Variants in TM7SF2 observed in about 807,000 individuals in gnomAD.
The protein encoded by TM7SF2 is transmembrane 7 superfamily member 2.
A neutral mutation model predicts 51.0 loss-of-function variants in TM7SF2; 51 were observed. The ratio of observed to expected loss-of-function variants is 1.00; its 90% confidence interval spans 0.80 to 1.26. TM7SF2 has a LOEUF of 1.26. Ranked by LOEUF, TM7SF2 falls within the 50% of genes most tolerant of loss-of-function variation. The probability of loss-of-function intolerance (pLI) is 0.00; values close to 1 mark genes in which losing one functional copy is unlikely to be tolerated. For missense variants in TM7SF2, 541 were observed against 547.4 expected, an observed-to-expected ratio of 0.99 and a Z score of 0.12; for synonymous variants, 255 against 241.0, an observed-to-expected ratio of 1.06 and a Z score of -0.54.
At chr11:65,113,927 C>T (rs542251139) in intron 5 of TM7SF2, 274 of 369,088 alleles carry the variant, frequency 7.4e-4, no homozygotes, top group African/African-American at 2.0e-3. Context: ...AGGGAGTGAC[C>T]GCATGCTGCT....
chr11:65,113,000 C>CTCCCTA, intron 3 of TM7SF2, 135 bp downstream of exon 3: 1 of 1,175,888 alleles, frequency 8.5e-7, no homozygotes, highest in East Asian at 2.6e-5. Flanking sequence ...GGACAGACGC[C>CTCCCTA]GGGGGCTCTC....
At position 65,116,115 on chromosome 11, in the gene TM7SF2, A is replaced by G; in HGVS notation, c.*62A>G. The G allele has an allele frequency of 6.4e-7, 1 of 1,559,408 alleles. No individual in the cohort carries two copies. Among genetic ancestry groups the G allele is most frequent in the Non-Finnish European group, 8.7e-7 (1 of 1,155,216 alleles). ...CTCATCCACCAGCACACCCAGGACC[A>G]GGAGCCTCGACACACTTGGGACTCA... On this transcript the variant is annotated 3_prime_UTR_variant, in exon 10 of 10. Coordinates refer to ENST00000279263, the MANE Select transcript of TM7SF2 (RefSeq NM_003273.6).
Position 65,112,509 on chromosome 11 carries a change from C to T in TM7SF2, c.53-6C>T. On this transcript the variant is annotated splice_region_variant and splice_polypyrimidine_tract_variant and intron_variant, in intron 1 of 9. Coordinates refer to ENST00000279263, the MANE Select transcript of TM7SF2 (RefSeq NM_003273.6). ...CGGACGCCCGACGTGATGGCCCTTC[C>T]CGCAGGCGCCGCGGCTCTGCTACTG... 2.0e-6 allele frequency: 3 copies of T among 1,509,678 alleles called. No homozygotes were observed. Among genetic ancestry groups the T allele is most frequent in the Non-Finnish European group, 2.6e-6 (3 of 1,137,630 alleles). The allele number at this position is 1,509,678 out of a possible 1,614,324, so 93.5% of individuals were successfully genotyped here. A position where few individuals can be genotyped will look rare whatever the true frequency, so the allele number is the denominator to read the frequency against.
Position 65,111,944 on chromosome 11 carries a change from G to A in TM7SF2, c.-72G>A. The A allele has an allele frequency of 6.7e-7, 1 of 1,500,340 alleles. No homozygotes were observed. The highest frequency in any genetic ancestry group is 2.0e-5 in the Admixed American group (1 of 50,884). The allele number at this position is 1,500,340 out of a possible 1,614,324, so 92.9% of individuals were successfully genotyped here. On this transcript the variant is annotated 5_prime_UTR_variant, in exon 1 of 10. Coordinates refer to ENST00000279263, the MANE Select transcript of TM7SF2 (RefSeq NM_003273.6). ...CTCCGCGCGGCCGAGTCCATCTCCT[G>A]GGAAATGGGGCGGACAGTGTTTCCT...
intron 3 of TM7SF2, 22 bp downstream of exon 3, chr11:65,112,887 G>A (rs1947928081): frequency 1.3e-6 from 2 of 1,550,172 alleles, no homozygotes; most frequent in South Asian, 2.4e-5. Context: ...ACGGGCCCTC[G>A]CGCTGGAGTT....
rs368193705 is a variant in TM7SF2, at chr11:65,113,536, G to A, written c.545G>A (p.Arg182His). The A allele has an allele frequency of 1.1e-5, 17 of 1,614,050 alleles. No individual in the cohort carries two copies. The highest frequency in any genetic ancestry group is 2.7e-5 in the African/African-American group (2 of 75,010). The change falls in exon 5 of 10, where the codon CGT (arginine) becomes CAT (histidine). Residue 182 changes from arginine (R) to histidine (H), a missense_variant. By Grantham distance (29) the Arg-to-His change is conservative. Coordinates refer to ENST00000279263, the MANE Select transcript of TM7SF2 (RefSeq NM_003273.6). ...DFFLGRELNPRICFFDFKYFC... is the reference protein window; with the variant it reads ...DFFLGRELNPHICFFDFKYFC... ...TTTCTGGGACGAGAGCTCAACCCTC[G>A]TATCTGTTTCTTCGACTTCAAATAT...
rs935159286 is a variant in TM7SF2 at position 65,116,214 on chromosome 11, G to A, written c.*161G>A. 3 of 1,216,624 alleles carry A rather than the reference G, an allele frequency of 2.5e-6. No individual in the cohort carries two copies. Among genetic ancestry groups the A allele is most frequent in the Non-Finnish European group, 3.3e-6 (3 of 896,268 alleles). The allele number at this position is 1,216,624 out of a possible 1,614,324, so 75.4% of individuals were successfully genotyped here. A position where few individuals can be genotyped will look rare whatever the true frequency, so the allele number is the denominator to read the frequency against. On this transcript the variant is annotated 3_prime_UTR_variant, in exon 10 of 10. Coordinates refer to ENST00000279263, the MANE Select transcript of TM7SF2 (RefSeq NM_003273.6). Reference sequence around the variant, plus strand: ...GGTGGTTTAGAGCAAGGAAAAAAATGAAACCAGTGACCAAAATCGGAGATG... The same window carrying A: ...GGTGGTTTAGAGCAAGGAAAAAAATAAAACCAGTGACCAAAATCGGAGATG...
At position 65,114,749 on chromosome 11, in the gene TM7SF2, G is replaced by A. The variant is rs1239886182; in HGVS notation, c.640G>A (p.Glu214Lys). 1 of 1,614,144 alleles carries A rather than the reference G, an allele frequency of 6.2e-7. No homozygotes were observed. Among genetic ancestry groups the A allele is most frequent in the African/African-American group, 1.3e-5 (1 of 74,962 alleles). ...INLALLMKEA[E>K]LRGSPSLAMW... ...CCTGGCCCTGTTGATGAAGGAGGCA[G>A]AGCTTCGAGGCAGTCCCTCACTGGC... The change falls in exon 6 of 10, where the codon GAG becomes AAG. Residue 214 changes from glutamate to lysine, a missense_variant. By Grantham distance (56) the Glu-to-Lys change is moderately conservative. Transcript: ENST00000279263.
At position 65,113,355 on chromosome 11, in the gene TM7SF2, T is replaced by A; in HGVS notation, c.440T>A (p.Phe147Tyr). The A allele has an allele frequency of 1.9e-6, 3 of 1,614,076 alleles. No individual in the cohort carries two copies. Among genetic ancestry groups the A allele is most frequent in the Non-Finnish European group, 1.7e-6 (2 of 1,179,998 alleles). Residue 147 changes from phenylalanine to tyrosine, a missense_variant, in exon 4 of 10, where the codon TTT (phenylalanine) becomes TAT (tyrosine). Coordinates refer to ENST00000279263, the MANE Select transcript of TM7SF2 (RefSeq NM_003273.6). Reference protein sequence around the residue: ...ATLTAFIFSLFLYMKAQVAPV... With the variant: ...ATLTAFIFSLYLYMKAQVAPV... ...CTCACCGCTTTCATCTTCAGCCTCT[T>A]TCTCTACATGAAGGCGCAGGTAGCC... is the stretch of plus-strand genomic sequence containing the variant.
At chr11:65,113,652 C>T in intron 5 of TM7SF2, 58 bp downstream of exon 5, 1 of 1,506,304 alleles carries the variant, frequency 6.6e-7, no homozygotes, top group Admixed American at 1.7e-5. Flanking sequence ...GGTGGGTGAG[C>T]AGCGCTTGGG....
rs1161446496 is a variant in TM7SF2 at position 65,112,879 on chromosome 11, G to A, written c.304+14G>A. On this transcript the variant is annotated intron_variant, in intron 3 of 9. Transcript: ENST00000279263. ...ATCCTATTAACGGTGCCTAGGGGACGGGCCCTCGCGCTGGAGTTAAGCGGC... is the reference window on the plus strand; with the variant it reads ...ATCCTATTAACGGTGCCTAGGGGACAGGCCCTCGCGCTGGAGTTAAGCGGC... 8 of 1,550,348 alleles carry A rather than the reference G, an allele frequency of 5.2e-6. No individual in the cohort carries two copies. The highest frequency in any genetic ancestry group is 2.7e-5 in the African/African-American group (2 of 73,062).
In TM7SF2 at chr11:65,114,849, C is replaced by A. The variant is rs368969753; in HGVS notation, c.723+17C>A. The A allele has an allele frequency of 1.5e-4, 250 of 1,614,154 alleles. No individual in the cohort carries two copies. The highest frequency in any genetic ancestry group is 2.0e-4 in the Non-Finnish European group (232 of 1,179,994). On this transcript the variant is annotated intron_variant, in intron 6 of 9. Transcript: ENST00000279263. The stretch of plus-strand genomic sequence containing the variant: ...TGGCACGAGGTGAGGCTGGACTGGA[C>A]GAGGGTGGGTGTCTGAGGGCCGCAT...
Position 65,113,255 on chromosome 11 carries a change from G to T in TM7SF2, c.340G>T (p.Gly114Trp). ...CCTGGTGCTGACAGCCCTGTTGGTG[G>T]GGCTGGGGATGTCAGCGGGGCTGCC... is the stretch of plus-strand genomic sequence containing the variant. The part of the protein sequence containing the change: ...QALVLTALLV[G>W]LGMSAGLPLG... The change falls in exon 4 of 10, where the codon GGG becomes TGG. Residue 114 changes from glycine (G) to tryptophan (W), a missense_variant. Gly to Trp is a radical substitution (Grantham distance 184). Coordinates refer to ENST00000279263, the MANE Select transcript of TM7SF2 (RefSeq NM_003273.6). The T allele has an allele frequency of 6.2e-7, 1 of 1,606,212 alleles. No homozygotes were observed. The highest frequency in any genetic ancestry group is 8.5e-7 in the Non-Finnish European group (1 of 1,179,852).
chr11:65,115,641 A>G, intron 9 of TM7SF2, 43 bp downstream of exon 9: 1 of 1,611,752 alleles, frequency 6.2e-7, no homozygotes, highest in Non-Finnish European at 8.5e-7. Flanking sequence ...TGTGAGGGGA[A>G]GAGGTGGCTC....
chr11:65,112,590 G>C lies in TM7SF2; in HGVS notation c.128G>C (p.Arg43Pro). 1 of 1,518,372 alleles carries C rather than the reference G, an allele frequency of 6.6e-7. No individual in the cohort carries two copies. The highest frequency in any genetic ancestry group is 8.8e-7 in the Non-Finnish European group (1 of 1,140,572). The allele number at this position is 1,518,372 out of a possible 1,614,324, so 94.1% of individuals were successfully genotyped here. A position where few individuals can be genotyped will look rare whatever the true frequency, so the allele number is the denominator to read the frequency against. ...CTGGCGGCCCGTTCGGGCCCCGCGC[G>C]CCTGCTGGGTCCACCCGCGTCCCTG... The part of the protein sequence containing the change: ...LLLAARSGPA[R>P]LLGPPASLPG... The change falls in exon 2 of 10, where the codon CGC (arginine) becomes CCC (proline). Residue 43 changes from arginine to proline, a missense_variant. Transcript: ENST00000279263.
In TM7SF2 at chr11:65,114,832, G is replaced by A. The variant is rs766464859; in HGVS notation, c.723G>A (p.Glu241=). Residue 241 remains glutamate (E), a splice_region_variant and synonymous_variant, in exon 6 of 10, where the codon GAG becomes GAA. Transcript: ENST00000279263. ...ACGTGGGTGATGCCCTCTGGCACGA[G>A]GTGAGGCTGGACTGGACGAGGGTGG... The part of the protein sequence containing the change: ...LLYVGDALWH[E]EAVLTTMDIT... The A allele has an allele frequency of 6.2e-6, 10 of 1,614,270 alleles. No individual in the cohort carries two copies. The East Asian group carries it at 1.3e-4, about 22-fold the overall frequency.
Position 65,115,035 on chromosome 11 carries a change from G to A in TM7SF2, c.846G>A (p.Pro282=), listed in dbSNP as rs769902078. 1.1e-5 allele frequency: 18 copies of A among 1,613,896 alleles called. No homozygotes were observed. The highest frequency in any genetic ancestry group is 5.3e-5 in the African/African-American group (4 of 74,928). The change falls in exon 7 of 10, where the codon CCG becomes CCA. Residue 282 remains proline, a synonymous_variant. Transcript: ENST00000279263. The part of the protein sequence containing the change: ...SLQAQFLLHH[P]QPLGLPMASV... ...AGGCCCAGTTCCTGCTGCACCACCCGCAGCCCCTGGGGTTGCCCATGGCCT... is the reference window on the plus strand; with the variant it reads ...AGGCCCAGTTCCTGCTGCACCACCCACAGCCCCTGGGGTTGCCCATGGCCT...
chr11:65,112,480 G>A, intron 1 of TM7SF2, 35 bp from the exon 2 acceptor site: 5 of 1,495,360 alleles, frequency 3.3e-6, no homozygotes, highest in Non-Finnish European at 4.4e-6. Flanking sequence ...TGGGGGGCTA[G>A]GGGCGGACGC....
chr11:65,115,759 G>T, intron 9 of TM7SF2, 134 bp from the exon 10 acceptor site: 2 of 1,563,122 alleles, frequency 1.3e-6, no homozygotes, highest in African/African-American at 2.7e-5. Flanking sequence ...ACCTAGTACC[G>T]TGTGCTTTGC....
Sources: gnomAD v4.1 joint callset for allele counts on GRCh38, gnomAD v4.1.1 for gene constraint, MANE v1.5 for transcripts, NCBI Gene and HGNC (gene_info 2026-07-23, HGNC 2026-07-21) for gene names.